The following FHIT variants were observed in gnomAD, a reference collection of about 807,000 sequenced individuals.
The protein encoded by FHIT is fragile histidine triad diadenosine triphosphatase.
Under a neutral mutation model 17.9 loss-of-function variants are expected in FHIT, and 19 were observed. The observed-to-expected ratio is 1.06, with a 90% CI of 0.74 to 1.56. The LOEUF is 1.56. Among genes scored for constraint, FHIT ranks in the 40% most tolerant of loss-of-function variants. FHIT has a pLI of 0.00. For missense variants in FHIT, 248 were observed against 189.2 expected (o/e 1.31, Z -1.82); for synonymous variants, 81 against 69.7 (o/e 1.16, Z -0.81).
intron 8 of FHIT, among the ~76,000 whole-genome samples, chr3:59,850,779 C>G (rs1701901813): frequency 1.3e-5 from 2 of 152,140 alleles, no homozygotes. Flanking sequence ...TGACTTGCCA[C>G]AAAAGCAAGA....
rs1175209900 is a variant in FHIT at position 60,912,365 on chromosome 3, C to G, written c.-110-90354G>C. The stretch of plus-strand genomic sequence containing the variant: ...GCTTACTCATTGAGTAACCTGGTAA[C>G]TGAACCTCCCTGAGGCCCAGGTTAT... On this transcript the variant is annotated intron_variant, in intron 3 of 9. Coordinates refer to ENST00000492590, the MANE Select transcript of FHIT (RefSeq NM_002012.4). Among the ~76,000 whole-genome samples the G allele has an allele frequency of 2.0e-5, 3 of 152,120 alleles. No individual in the cohort carries two copies. In the East Asian group the frequency reaches 5.8e-4, roughly 29 times the overall value.
At chr3:60,512,206 T>C (rs915494510) in intron 5 of FHIT, among the ~76,000 whole-genome samples, 1 of 152,172 alleles carries the variant, frequency 6.6e-6, no homozygotes, top group East Asian at 1.9e-4. Flanking sequence ...AGGAAAAGAT[T>C]GACTGATATG....
chr3:60,218,361 T>C (rs970416387), intron 5 of FHIT, among the ~76,000 whole-genome samples: 5 of 152,320 alleles, frequency 3.3e-5, no homozygotes, highest in East Asian at 1.9e-4. Context: ...TTAATTCTTA[T>C]ATACTGCTAA....
At chr3:60,991,092 G>A (rs949309678) in intron 3 of FHIT, among the ~76,000 whole-genome samples, 2 of 152,174 alleles carry the variant, frequency 1.3e-5, no homozygotes, top group African/African-American at 2.4e-5. Context: ...CTTCCTAATG[G>A]GGACGGGGGT....
chr3:59,752,940 C>T (rs192884592), intron 8 of FHIT, among the ~76,000 whole-genome samples: 1 of 152,154 alleles, frequency 6.6e-6, no homozygotes, highest in Non-Finnish European at 1.5e-5. Flanking sequence ...CAGGTGATCA[C>T]AGATTGGGAT....
chr3:60,393,955 A>C (rs924445750), intron 5 of FHIT, among the ~76,000 whole-genome samples: 2 of 152,110 alleles, frequency 1.3e-5, no homozygotes, highest in African/African-American at 4.8e-5. Context: ...GCTTGGATTG[A>C]TCCAGGAAGA....
chr3:60,034,430 T>C (rs1238128545), intron 5 of FHIT, among the ~76,000 whole-genome samples: 1 of 152,184 alleles, frequency 6.6e-6, no homozygotes, highest in Non-Finnish European at 1.5e-5. Context: ...AAGAAGATGA[T>C]ATGATCAAGA....
intron 5 of FHIT, among the ~76,000 whole-genome samples, chr3:60,276,642 C>T (rs1707151084): frequency 6.6e-6 from 1 of 152,112 alleles, no homozygotes; most frequent in African/African-American, 2.4e-5. Context: ...TAAAGGAATA[C>T]CTGAGACTGG....
intron 5 of FHIT, among the ~76,000 whole-genome samples, chr3:60,015,847 ATG>A (rs1305031717): frequency 1.3e-5 from 2 of 149,022 alleles, no homozygotes; most frequent in Admixed American, 1.4e-4. Context: ...ACATCCAAAA[ATG>A]TTTTTTTTCA....
At chr3:60,544,728 C>G (rs1374287394) in intron 4 of FHIT, among the ~76,000 whole-genome samples, 1 of 151,500 alleles carries the variant, frequency 6.6e-6, no homozygotes, top group Non-Finnish European at 1.5e-5. Flanking sequence ...TCCCAAGTAG[C>G]TGGGATTGCA....
At chr3:61,153,637 T>C (rs1410258304) in intron 2 of FHIT, among the ~76,000 whole-genome samples, 1 of 152,152 alleles carries the variant, frequency 6.6e-6, no homozygotes, top group African/African-American at 2.4e-5. Flanking sequence ...CTTTCTCAGG[T>C]AAAGATATAC....
intron 3 of FHIT, among the ~76,000 whole-genome samples, chr3:60,949,004 TA>T (rs377251033): frequency 4.6e-4 from 68 of 146,442 alleles, no homozygotes; most frequent in African/African-American, 8.7e-4. Flanking sequence ...TTTGCAACAT[TA>T]AAAAAAAAAA....
intron 4 of FHIT, among the ~76,000 whole-genome samples, chr3:60,749,611 A>C (rs782060257): frequency 6.6e-6 from 1 of 152,208 alleles, no homozygotes; most frequent in Non-Finnish European, 1.5e-5. Context: ...ACAAATAAGG[A>C]AGCCAGTCAG....
Position 59,793,556 on chromosome 3 carries a change from CCCCT to C in FHIT, c.349-41239_349-41236del, listed in dbSNP as rs547701849. ...CAGTGCTCATCAAACTCAAACCTTC[CCCCT>C]CTTCCCCTCTCGCACTGCCTCCCCA... is the stretch of plus-strand genomic sequence containing the variant. On this transcript the variant is annotated intron_variant, in intron 8 of 9. Coordinates refer to ENST00000492590, the MANE Select transcript of FHIT (RefSeq NM_002012.4). Among the ~76,000 whole-genome samples the C allele has an allele frequency of 4.2e-3, 644 of 152,200 alleles. 5 individuals carry two copies. The highest frequency in any genetic ancestry group is 0.015 in the African/African-American group (611 of 41,526).
chr3:59,954,239 T>TTTTTC (rs1247708072), intron 7 of FHIT, among the ~76,000 whole-genome samples: 53 of 150,936 alleles, frequency 3.5e-4, no homozygotes, highest in African/African-American at 1.2e-3. Context: ...TTCTTTTTTT[T>TTTTTC]CCAAATGTGT....
intron 8 of FHIT, among the ~76,000 whole-genome samples, chr3:59,802,838 C>A (rs576204373): frequency 6.6e-6 from 1 of 152,232 alleles, no homozygotes; most frequent in African/African-American, 2.4e-5. Context: ...GAATGGTGGT[C>A]TGAATTACAA....
intron 7 of FHIT, among the ~76,000 whole-genome samples, chr3:59,988,481 A>G (rs1709085910): frequency 1.3e-5 from 2 of 152,116 alleles, no homozygotes. Flanking sequence ...ACAGTATCTC[A>G]TTCATCCATT....
At chr3:59,992,796 G>A (rs1232459813) in intron 7 of FHIT, among the ~76,000 whole-genome samples, 6 of 152,024 alleles carry the variant, frequency 3.9e-5, no homozygotes. Flanking sequence ...GAGAGAACAC[G>A]TGAAAGTCAC....
chr3:60,123,065 T>A (rs1241376519), intron 5 of FHIT, among the ~76,000 whole-genome samples: 1 of 152,198 alleles, frequency 6.6e-6, no homozygotes, highest in Non-Finnish European at 1.5e-5. Flanking sequence ...AATTATCATT[T>A]CAGAGTAAGA....
Sources: gnomAD v4.1 joint callset for allele counts (sites outside exome capture counted in the v4.1 genomes callset) on GRCh38, gnomAD v4.1.1 for gene constraint, MANE v1.5 for transcripts, NCBI Gene and HGNC (gene_info 2026-07-23, HGNC 2026-07-21) for gene names.